NOS1AP: variants seen among roughly 807,000 people sequenced by gnomAD.
NOS1AP encodes carboxyl-terminal PDZ ligand of neuronal nitric oxide synthase protein.
A neutral mutation model predicts 56.2 loss-of-function variants in NOS1AP; 21 were observed. The observed-to-expected ratio is 0.37, with a 90% CI of 0.26 to 0.54. The LOEUF is 0.54. NOS1AP is among the 20% of genes least tolerant of loss of function. The probability of loss-of-function intolerance (pLI) is 0.84; values close to 1 mark genes in which losing one functional copy is unlikely to be tolerated. For synonymous variants in NOS1AP, 270 were observed against 274.6 expected (o/e 0.98, Z 0.17); for missense variants, 522 against 657.8 (o/e 0.79, Z 2.26).
chr1:162,073,739 C>T (rs1040422308), intron 1 of NOS1AP, among the ~76,000 whole-genome samples: 2 of 152,240 alleles, frequency 1.3e-5, no homozygotes, highest in South Asian at 2.1e-4. Context: ...GGATTACAGG[C>T]GTGAACCACT....
chr1:162,183,751 T>C (rs929381801), intron 2 of NOS1AP, among the ~76,000 whole-genome samples: 5 of 152,250 alleles, frequency 3.3e-5, no homozygotes, highest in Non-Finnish European at 7.3e-5. Flanking sequence ...TCAGCCTTTA[T>C]AGAATTGAAG....
chr1:162,279,172 C>T (rs1201225142), intron 2 of NOS1AP, among the ~76,000 whole-genome samples: 10 of 152,168 alleles, frequency 6.6e-5, no homozygotes, highest in African/African-American at 2.4e-4. Context: ...AGTACTGGTA[C>T]TCATCTTGCT....
At position 162,069,948 on chromosome 1, in the gene NOS1AP, T is replaced by C. The variant is rs1250836304; in HGVS notation, c.-230T>C. On this transcript the variant is annotated 5_prime_UTR_variant, in exon 1 of 10. Coordinates refer to ENST00000361897, the MANE Select transcript of NOS1AP (RefSeq NM_014697.3). ...CTGCCGCCCTCCTAGCCGGCAGGAA[T>C]TGCGCGACCACAGCGCCGCTCGCGT... 1.7e-5 allele frequency: 4 copies of C among 237,250 alleles called. No homozygotes were observed. The highest frequency in any genetic ancestry group is 9.2e-5 in the African/African-American group (4 of 43,574). The allele number at this position is 237,250 out of a possible 1,614,324, so 14.7% of individuals were successfully genotyped here.
intron 1 of NOS1AP, among the ~76,000 whole-genome samples, chr1:162,152,029 G>T (rs10918769): frequency 6.6e-6 from 1 of 151,942 alleles, no homozygotes; most frequent in African/African-American, 2.4e-5. Flanking sequence ...TCCAAAACTC[G>T]AAGCTGCCTC....
intron 2 of NOS1AP, among the ~76,000 whole-genome samples, chr1:162,158,687 T>G (rs1650072521): frequency 6.6e-6 from 1 of 152,168 alleles, no homozygotes; most frequent in Non-Finnish European, 1.5e-5. Context: ...TGATTCCAGA[T>G]CTGGTACTTT....
intron 8 of NOS1AP, among the ~76,000 whole-genome samples, chr1:162,358,863 A>G (rs1356607457): frequency 6.6e-6 from 1 of 152,242 alleles, no homozygotes; most frequent in Admixed American, 6.5e-5. Context: ...AGTCACTGCT[A>G]AGTACTAGAG....
At chr1:162,303,835 A>G (rs1250122652) in intron 4 of NOS1AP, among the ~76,000 whole-genome samples, 5 of 149,900 alleles carry the variant, frequency 3.3e-5, no homozygotes, top group Non-Finnish European at 5.9e-5. Context: ...AGAGTTCTTT[A>G]TAAATTATGG....
intron 2 of NOS1AP, among the ~76,000 whole-genome samples, chr1:162,200,999 T>A (rs747416240): frequency 2.4e-4 from 37 of 152,222 alleles, no homozygotes; most frequent in Non-Finnish European, 5.0e-4. Context: ...GAGTATTTCA[T>A]CACCGACATA....
intron 5 of NOS1AP, among the ~76,000 whole-genome samples, chr1:162,342,046 A>G (rs1657126140): frequency 6.6e-6 from 1 of 152,196 alleles, no homozygotes; most frequent in Admixed American, 6.5e-5. Context: ...CTGCAAGCCT[A>G]TGGTATGAGA....
intron 2 of NOS1AP, among the ~76,000 whole-genome samples, chr1:162,255,490 ATTTTTTTTTTTTTTTTTTTTT>A (rs35637289): frequency 4.9e-5 from 3 of 60,996 alleles, no homozygotes; most frequent in Non-Finnish European, 7.1e-5. Flanking sequence ...GCTGCTGCTG[ATTTTTTTTTTTTTTTTTTTTT>A]TTTTTTTTTT....
At position 162,300,711 on chromosome 1, in the gene NOS1AP, G is replaced by A. The variant is rs1655622262; in HGVS notation, c.344+5G>A. On this transcript the variant is annotated splice_donor_5th_base_variant and intron_variant, in intron 4 of 9. Transcript: ENST00000361897. ...GATGCAGGACCCCATCTACAGGTAA[G>A]AGCCCAGTCCAGCACCCAAGATATC... 3 of 1,613,656 alleles carry A rather than the reference G, an allele frequency of 1.9e-6. No homozygotes were observed. Among genetic ancestry groups the A allele is most frequent in the South Asian group, 2.2e-5 (2 of 91,068 alleles).
At chr1:162,079,325 G>T (rs1260213529) in intron 1 of NOS1AP, among the ~76,000 whole-genome samples, 3 of 152,028 alleles carry the variant, frequency 2.0e-5, no homozygotes, top group Non-Finnish European at 4.4e-5. Flanking sequence ...GTAGGTAATT[G>T]TCATTTCTCA....
chr1:162,275,613 G>C (rs1654708198), intron 2 of NOS1AP, among the ~76,000 whole-genome samples: 1 of 152,182 alleles, frequency 6.6e-6, no homozygotes, highest in Non-Finnish European at 1.5e-5. Flanking sequence ...CATCATAGTT[G>C]GAGGGGGAAA....
intron 2 of NOS1AP, among the ~76,000 whole-genome samples, chr1:162,171,410 G>T (rs963192091): frequency 2.0e-5 from 3 of 152,094 alleles, no homozygotes; most frequent in Non-Finnish European, 2.9e-5. Context: ...GTGTCATGGG[G>T]CTGCTCATCA....
chr1:162,337,141 T>A (rs1414170606), intron 5 of NOS1AP, among the ~76,000 whole-genome samples: 1 of 152,246 alleles, frequency 6.6e-6, no homozygotes, highest in Non-Finnish European at 1.5e-5. Flanking sequence ...TATGGCTGTC[T>A]GCCCTGATTA....
chr1:162,251,879 T>TG lies in NOS1AP; in HGVS notation c.178-35465_178-35464insG, dbSNP rs1384865177. Among the ~76,000 whole-genome samples the TG allele has an allele frequency of 4.8e-3, 671 of 140,338 alleles. 17 individuals carry two copies. The highest frequency in any genetic ancestry group is 0.016 in the African/African-American group (603 of 37,870). 92.1% of individuals were successfully genotyped at this position (140,338 alleles called of 152,430 possible). ...GTTGTTTTTTTTTTTGTTTTTTTTT[T>TG]TTTTTTTTTTGTGGAGACAAGGTCC... On this transcript the variant is annotated intron_variant, in intron 2 of 9. Coordinates refer to ENST00000361897, the MANE Select transcript of NOS1AP (RefSeq NM_014697.3).
chr1:162,191,815 T>C (rs1032188248), intron 2 of NOS1AP, among the ~76,000 whole-genome samples: 3 of 152,172 alleles, frequency 2.0e-5, no homozygotes, highest in Non-Finnish European at 4.4e-5. Context: ...ATAATGTCAT[T>C]GAAATCACAC....
At position 162,070,090 on chromosome 1, in the gene NOS1AP, G is replaced by A. The variant is rs1691627973; in HGVS notation, c.-88G>A. 1.2e-5 allele frequency: 13 copies of A among 1,100,592 alleles called. No individual in the cohort carries two copies. Among genetic ancestry groups the A allele is most frequent in the Non-Finnish European group, 1.6e-5 (12 of 730,994 alleles). 68.2% of individuals were successfully genotyped at this position (1,100,592 alleles called of 1,614,324 possible). Reference sequence around the variant, plus strand: ...CCCAGGCCCCGCCACGCGTCGCCGCGCCCAGCTCCAGTCTCCCCTCCCCGG... The same window carrying A: ...CCCAGGCCCCGCCACGCGTCGCCGCACCCAGCTCCAGTCTCCCCTCCCCGG... On this transcript the variant is annotated 5_prime_UTR_variant, in exon 1 of 10. Coordinates refer to ENST00000361897, the MANE Select transcript of NOS1AP (RefSeq NM_014697.3).
intron 4 of NOS1AP, among the ~76,000 whole-genome samples, chr1:162,330,160 T>C (rs1156320345): frequency 6.6e-6 from 1 of 152,200 alleles, no homozygotes; most frequent in Non-Finnish European, 1.5e-5. Context: ...AACTAAAGAA[T>C]CCAAGAAGTT....
Sources: allele counts gnomAD v4.1 joint callset (sites outside exome capture counted in the v4.1 genomes callset), GRCh38; gene constraint gnomAD v4.1.1; transcripts MANE v1.5; gene names NCBI Gene and HGNC (gene_info 2026-07-23, HGNC 2026-07-21).